The following ULK2 variants were observed in gnomAD, a reference collection of about 807,000 sequenced individuals.
The protein encoded by ULK2 is unc-51 like autophagy activating kinase 2, also known as serine/threonine-protein kinase ULK2.
ULK2 carries 76 observed loss-of-function variants against 127.5 expected under a neutral mutation model. The ratio of observed to expected loss-of-function variants is 0.60; its 90% CI spans 0.50 to 0.72. ULK2 has a LOEUF of 0.72. Ranked by LOEUF, ULK2 falls within the 30% of genes least tolerant of loss-of-function variation. The pLI, the probability that ULK2 is intolerant of heterozygous loss-of-function variation, is 0.00. For missense variants in ULK2, 1,144 were observed against 1,295.9 expected (o/e 0.88, Z 1.80); for synonymous variants, 452 against 461.9 (o/e 0.98, Z 0.28).
At chr17:19,812,247 C>T (rs2087659317) in intron 13 of ULK2, among the ~76,000 whole-genome samples, 1 of 152,092 alleles carries the variant, frequency 6.6e-6, no homozygotes, top group Non-Finnish European at 1.5e-5. Context: ...CATAGTGTAT[C>T]GTATTCAGGA....
At chr17:19,819,310 ACT>A (rs1342210608) in intron 12 of ULK2, among the ~76,000 whole-genome samples, 4 of 151,422 alleles carry the variant, frequency 2.6e-5, no homozygotes, top group Non-Finnish European at 4.4e-5. Context: ...TCTTCTCAAC[ACT>A]CTGCCCCTTC....
chr17:19,841,387 C>T, intron 9 of ULK2, 102 bp downstream of exon 9: 1 of 1,194,242 alleles, frequency 8.4e-7, no homozygotes, highest in Non-Finnish European at 1.2e-6. Flanking sequence ...ACATTATCAA[C>T]TGAAAAAGAA....
Position 19,838,193 on chromosome 17 carries a change from C to T in ULK2, c.787+308G>A, listed in dbSNP as rs544672453. 2.6e-5 allele frequency among the ~76,000 whole-genome samples: 4 copies of T among 151,958 alleles called. No individual in the cohort carries two copies. The East Asian group carries it at 7.7e-4, about 29-fold the overall frequency. ...AAAATTTCAATCCCCACCCCCACCC[C>T]ACCCCCACTTCTTTATTCCCATAAT... On this transcript the variant is annotated intron_variant, in intron 10 of 26. Coordinates refer to ENST00000395544, the MANE Select transcript of ULK2 (RefSeq NM_014683.4).
At chr17:19,787,404 G>A (rs1338258147) in intron 20 of ULK2, among the ~76,000 whole-genome samples, 11 of 151,996 alleles carry the variant, frequency 7.2e-5, no homozygotes, top group East Asian at 1.9e-4. Context: ...CTCCTGCCTC[G>A]GCCTTCCACA....
intron 12 of ULK2, among the ~76,000 whole-genome samples, chr17:19,822,116 G>A (rs965105791): frequency 4.6e-5 from 7 of 151,308 alleles, no homozygotes; most frequent in African/African-American, 1.7e-4. Context: ...CTCCCAAGTA[G>A]CTGGGATTAC....
intron 10 of ULK2, among the ~76,000 whole-genome samples, chr17:19,832,113 G>A (rs2041469091): frequency 6.7e-6 from 1 of 150,170 alleles, no homozygotes; most frequent in African/African-American, 2.5e-5. Flanking sequence ...TGGTGACAGA[G>A]CAAAACTCCA....
At chr17:19,865,613 G>T in intron 2 of ULK2, 123 bp downstream of exon 2, 1 of 532,892 alleles carries the variant, frequency 1.9e-6, no homozygotes, top group South Asian at 2.9e-5. Context: ...ATGCAAAAAG[G>T]AGAGCAACAG....
chr17:19,838,484 T>C lies in ULK2; in HGVS notation c.787+17A>G. The C allele has an allele frequency of 6.3e-7, 1 of 1,594,512 alleles. No homozygotes were observed. The highest frequency in any genetic ancestry group is 8.5e-7 in the Non-Finnish European group (1 of 1,170,388). On this transcript the variant is annotated intron_variant, in intron 10 of 26. Coordinates refer to ENST00000395544, the MANE Select transcript of ULK2 (RefSeq NM_014683.4). ...AATAAAATTAGAAAACATGCAAAAG[T>C]TAAAACTATTTCTTACCAAAGTCCA... is the stretch of plus-strand genomic sequence containing the variant.
chr17:19,820,298 A>G (rs745861444), intron 12 of ULK2, among the ~76,000 whole-genome samples: 3 of 152,138 alleles, frequency 2.0e-5, no homozygotes, highest in Non-Finnish European at 4.4e-5. Context: ...CCACCCGCCT[A>G]GGCCTCCCAA....
Position 19,783,731 on chromosome 17 carries a change from T to G in ULK2, c.2426A>C (p.Glu809Ala). The G allele has an allele frequency of 6.3e-7, 1 of 1,589,264 alleles. No homozygotes were observed. The highest frequency in any genetic ancestry group is 1.7e-4 in the Middle Eastern group (1 of 5,994). ...CGTCTCCTCCGGCAGTTCAGGGGCT[T>G]CAAAGGTGATGAGCCCCTCTAGGCT... ...PPSLEGLITF[E>A]APELPEETLM... The change falls in exon 22 of 27, where the codon GAA becomes GCA. Residue 809 changes from glutamate (E) to alanine (A), a missense_variant. Around this residue, in one of 2 missense-constraint regions of ULK2, gnomAD observed 913 missense variants for 970.5 expected, o/e 0.94. Transcript: ENST00000395544.
chr17:19,809,658 G>A (rs1245332286), intron 14 of ULK2, among the ~76,000 whole-genome samples: 4 of 143,620 alleles, frequency 2.8e-5, no homozygotes, highest in Admixed American at 1.5e-4. Flanking sequence ...ACTTGAACCC[G>A]GCAGGTAGAA....
At chr17:19,819,129 T>C (rs1455912903) in intron 12 of ULK2, among the ~76,000 whole-genome samples, 1 of 152,192 alleles carries the variant, frequency 6.6e-6, no homozygotes, top group Non-Finnish European at 1.5e-5. Flanking sequence ...CTGACTCAAA[T>C]GTGTCACATC....
chr17:19,812,800 T>G (rs1297715023), intron 13 of ULK2, among the ~76,000 whole-genome samples: 1 of 152,234 alleles, frequency 6.6e-6, no homozygotes, highest in African/African-American at 2.4e-5. Context: ...CTGCATACCT[T>G]AAATATACAT....
chr17:19,846,550 G>A (rs2041887571), intron 6 of ULK2, among the ~76,000 whole-genome samples, 187 bp downstream of exon 6: 1 of 151,058 alleles, frequency 6.6e-6, no homozygotes, highest in African/African-American at 2.4e-5. Flanking sequence ...TGAAGCAGGA[G>A]AATCGCTTGA....
Position 19,825,094 on chromosome 17 carries a change from T to G in ULK2, c.924A>C (p.Pro308=), listed in dbSNP as rs778922597. ...SSPSCRFASP[P]SLPDMQHIQE... ...TTATTTTTAATAAACTGTAACTTAC[T>G]GGTGGAGAAGCAAAACGACAAGATG... is the stretch of plus-strand genomic sequence containing the variant. Residue 308 remains proline (P), a splice_region_variant and synonymous_variant, in exon 12 of 27, where the codon CCA becomes CCC. Coordinates refer to ENST00000395544, the MANE Select transcript of ULK2 (RefSeq NM_014683.4). 5.6e-6 allele frequency: 9 copies of G among 1,613,776 alleles called. No homozygotes were observed. In the East Asian group the frequency reaches 1.8e-4, roughly 32 times the overall value.
chr17:19,781,967 C>A lies in ULK2; in HGVS notation c.2561G>T (p.Cys854Phe). The change falls in exon 23 of 27, where the codon TGC becomes TTC. Residue 854 changes from cysteine to phenylalanine, a missense_variant. Cys to Phe is a radical substitution (Grantham distance 205). This residue lies in a region of ULK2 where 913 missense variants were observed against 970.5 expected (regional missense o/e 0.94). Transcript: ENST00000395544. ...TAMRGGNPELCTSAVSLYQIQ... is the reference protein window; with the variant it reads ...TAMRGGNPELFTSAVSLYQIQ... ...CTGGTACAAGGACACAGCAGATGTGCACAGCTCAGGGTTTCCTCCCCTCAT... is the reference window on the plus strand; with the variant it reads ...CTGGTACAAGGACACAGCAGATGTGAACAGCTCAGGGTTTCCTCCCCTCAT... The A allele has an allele frequency of 6.2e-7, 1 of 1,614,220 alleles. No individual in the cohort carries two copies. Among genetic ancestry groups the A allele is most frequent in the South Asian group, 1.1e-5 (1 of 91,082 alleles).
intron 6 of ULK2, 55 bp from the exon 7 acceptor site, chr17:19,845,432 C>T (rs2041857820): frequency 1.6e-6 from 2 of 1,278,080 alleles, no homozygotes; most frequent in African/African-American, 1.5e-5. Flanking sequence ...TCATACCTAA[C>T]ATATATCATA....
intron 3 of ULK2, among the ~76,000 whole-genome samples, chr17:19,859,092 C>G (rs928475639): frequency 1.3e-5 from 2 of 152,182 alleles, no homozygotes; most frequent in African/African-American, 4.8e-5. Context: ...CAGTTCGAGA[C>G]CAGCCTGGGC....
chr17:19,772,471 C>G lies in ULK2; in HGVS notation c.*3878G>C, dbSNP rs1186042428. On this transcript the variant is annotated 3_prime_UTR_variant, in exon 27 of 27. Coordinates refer to ENST00000395544, the MANE Select transcript of ULK2 (RefSeq NM_014683.4). ...GGACTCAGAAAAAAGTGGTCTGAGG[C>G]CGTCTAGAAATAGGCACAGATACTT... 6.6e-6 allele frequency: 1 copy of G among 152,142 alleles called. No individual in the cohort carries two copies. The highest frequency in any genetic ancestry group is 2.4e-5 in the African/African-American group (1 of 41,416). 9.4% of individuals were successfully genotyped at this position (152,142 alleles called of 1,614,324 possible).
Sources: allele counts gnomAD v4.1 joint callset (sites outside exome capture counted in the v4.1 genomes callset), GRCh38; gene constraint gnomAD v4.1.1; regional missense constraint gnomAD v4.1.1; transcripts MANE v1.5; gene names NCBI Gene and HGNC (gene_info 2026-07-23, HGNC 2026-07-21).